The following CELF2 variants were observed in gnomAD, a reference collection of about 807,000 sequenced individuals.
CELF2 encodes the protein CUG triplet repeat RNA-binding protein 2.
In CELF2, 8 loss-of-function variants were observed where a neutral mutation model predicts 62.6. The observed-to-expected ratio is 0.13, with a 90% CI of 0.07 to 0.23. The LOEUF (loss-of-function observed/expected upper bound fraction) is 0.23, where lower values mean the gene tolerates loss of function less well. CELF2 is among the 10% of genes least tolerant of loss of function. The pLI, the probability that CELF2 is intolerant of heterozygous loss-of-function variation, is 1.00. For synonymous variants in CELF2, 258 were observed against 250.0 expected, an observed-to-expected ratio of 1.03 and a Z score of -0.30; for missense variants, 333 against 671.0, an observed-to-expected ratio of 0.50 and a Z score of 5.56.
At chr10:10,747,337 G>C in the CELF2 span, among the ~76,000 whole-genome samples, 2 of 152,176 alleles carry the variant, frequency 1.3e-5, no homozygotes, top group Non-Finnish European at 2.9e-5. Context: ...AATTGAACAG[G>C]TAGGATGGCC....
At chr10:10,898,975 A>G (rs2062752096) in intron 1 of CELF2, among the ~76,000 whole-genome samples, 1 of 152,246 alleles carries the variant, frequency 6.6e-6, no homozygotes, top group African/African-American at 2.4e-5. Context: ...GCTGAAATAA[A>G]ACATTTCTGC....
rs560279005 is a variant in CELF2, at chr10:11,145,368, C to G, written c.75-20118C>G. ...GGAGTGTCAGGATTCAGGAGCGTCT[C>G]TGAAAGGTGCTTTGTGCTGACCAAG... is the stretch of plus-strand genomic sequence containing the variant. On this transcript the variant is annotated intron_variant, in intron 1 of 12. Coordinates refer to ENST00000633077, the MANE Select transcript of CELF2 (RefSeq NM_001326342.2). This position sits in a 1 kb window ranked among gnomAD's most constrained non-coding sequence, Gnocchi z 4.3. 1.3e-5 allele frequency among the ~76,000 whole-genome samples: 2 copies of G among 152,308 alleles called. No homozygotes were observed. Among genetic ancestry groups the G allele is most frequent in the African/African-American group, 4.8e-5 (2 of 41,570 alleles).
In CELF2 at chr10:11,270,833, TG is replaced by T; in HGVS notation, c.777+12del. On this transcript the variant is annotated intron_variant, in intron 7 of 12. Coordinates refer to ENST00000633077, the MANE Select transcript of CELF2 (RefSeq NM_001326342.2). This position sits in a 1 kb window ranked among gnomAD's most constrained non-coding sequence, Gnocchi z 5.8. ...CCCCACAGTATCTGGCGGTAAGTGC[TG>T]GGCAATGCCGGCGTGGTCTTCACCC... 1 of 1,372,406 alleles carries T rather than the reference TG, an allele frequency of 7.3e-7. No homozygotes were observed. The highest frequency in any genetic ancestry group is 9.5e-7 in the Non-Finnish European group (1 of 1,049,614). 85.0% of individuals were successfully genotyped at this position (1,372,406 alleles called of 1,614,324 possible).
chr10:10,873,775 G>T (rs1278582847), intron 1 of CELF2, among the ~76,000 whole-genome samples: 1 of 152,148 alleles, frequency 6.6e-6, no homozygotes, highest in Non-Finnish European at 1.5e-5. Context: ...TCCCTATCCA[G>T]TTCTCCCTGT....
intron 1 of CELF2, among the ~76,000 whole-genome samples, chr10:10,849,396 G>C (rs951532915): frequency 6.6e-6 from 1 of 152,064 alleles, no homozygotes; most frequent in African/African-American, 2.4e-5. Flanking sequence ...GACAGAGCAA[G>C]ACTCCATCTC....
intron 2 of CELF2, among the ~76,000 whole-genome samples, chr10:11,166,728 G>A (rs774203674): frequency 1.3e-5 from 2 of 152,144 alleles, no homozygotes; most frequent in Non-Finnish European, 2.9e-5. Flanking sequence ...CACTTGGCTT[G>A]TGTATACACT....
chr10:10,914,938 G>A (rs937934962), intron 1 of CELF2, among the ~76,000 whole-genome samples: 28 of 151,958 alleles, frequency 1.8e-4, no homozygotes, highest in African/African-American at 6.3e-4. Flanking sequence ...AGACCAGCCT[G>A]ACCAACATGG....
the CELF2 span, among the ~76,000 whole-genome samples, chr10:10,721,019 A>T: frequency 1.3e-5 from 2 of 152,384 alleles, no homozygotes; most frequent in East Asian, 3.8e-4. Flanking sequence ...ATTAAGCCAC[A>T]TTAGACAGGT....
rs1236316013 is a variant in CELF2, at chr10:11,328,596, A to G, written c.1439-330A>G. ...CCTGGGGTTCTTTTGGAGAGATACT[A>G]AAGGACTTGAAACACAATGATTTGA... On this transcript the variant is annotated intron_variant, in intron 12 of 12. Transcript: ENST00000633077. This position sits in a 1 kb window ranked among gnomAD's most constrained non-coding sequence, Gnocchi z 6.4. Among the ~76,000 whole-genome samples the G allele has an allele frequency of 1.3e-5, 2 of 152,228 alleles. No homozygotes were observed.
chr10:10,871,264 A>G (rs1225427773), intron 1 of CELF2, among the ~76,000 whole-genome samples: 1 of 152,224 alleles, frequency 6.6e-6, no homozygotes, highest in Non-Finnish European at 1.5e-5. Flanking sequence ...TAGGAAAAGA[A>G]ACTTCATTCC....
upstream of CELF2, among the ~76,000 whole-genome samples, chr10:11,001,182 C>T (rs2054484221): frequency 1.3e-5 from 2 of 152,192 alleles, no homozygotes; most frequent in South Asian, 4.1e-4. Flanking sequence ...TTTCCATCTT[C>T]CAGAGCAATA....
At chr10:10,679,011 G>A in the CELF2 span, among the ~76,000 whole-genome samples, 1 of 152,110 alleles carries the variant, frequency 6.6e-6, no homozygotes, top group African/African-American at 2.4e-5. Context: ...ATGGCCAGGG[G>A]AATTGTGATT....
At chr10:11,020,891 T>C (rs2058208090) in intron 1 of CELF2, among the ~76,000 whole-genome samples, 1 of 152,214 alleles carries the variant, frequency 6.6e-6, no homozygotes. Context: ...GTTTTAAACA[T>C]TCGGTATCAA....
the CELF2 span, among the ~76,000 whole-genome samples, chr10:10,467,112 A>C: frequency 6.6e-6 from 1 of 152,176 alleles, no homozygotes. Context: ...CTTATAATAT[A>C]CTAGCATAAA....
In CELF2 at chr10:10,938,290, A is replaced by G. The variant is rs1191740624; in HGVS notation, c.89+18291A>G. Among the ~76,000 whole-genome samples, 1 of 152,244 alleles carries G rather than the reference A, an allele frequency of 6.6e-6. No homozygotes were observed. Among genetic ancestry groups the G allele is most frequent in the Non-Finnish European group, 1.5e-5 (1 of 68,048 alleles). On this transcript the variant is annotated intron_variant, in intron 2 of 13. Coordinates refer to the CELF2 transcript ENST00000636488. The surrounding 1 kb of genome is among the most constrained non-coding windows in gnomAD (Gnocchi z 4.2). ...ATTATTTTGCAGTATAGGAAATGTT[A>G]TTTAGATTTAACAAAGGGCTGAACA...
chr10:10,723,572 A>G, the CELF2 span, among the ~76,000 whole-genome samples: 2 of 152,228 alleles, frequency 1.3e-5, no homozygotes, highest in Non-Finnish European at 2.9e-5. Context: ...AATCTTGACC[A>G]AGACTTCTAA....
the CELF2 span, among the ~76,000 whole-genome samples, chr10:10,685,917 T>A: frequency 6.6e-6 from 1 of 152,182 alleles, no homozygotes; most frequent in Non-Finnish European, 1.5e-5. Context: ...CTAGTCCTCT[T>A]CCTTTACCTG....
chr10:10,736,334 G>GT, the CELF2 span, among the ~76,000 whole-genome samples: 1 of 147,382 alleles, frequency 6.8e-6, no homozygotes, highest in Admixed American at 6.8e-5. Context: ...GGGTTTGTTT[G>GT]TTTTTCTGCT....
intron 1 of CELF2, among the ~76,000 whole-genome samples, chr10:11,023,508 C>A (rs780089496): frequency 6.6e-6 from 1 of 152,154 alleles, no homozygotes; most frequent in Non-Finnish European, 1.5e-5. Context: ...TGTAATTGTT[C>A]CATCCAATAT....
Sources: gnomAD v4.1 joint callset for allele counts (sites outside exome capture counted in the v4.1 genomes callset) on GRCh38, gnomAD v4.1.1 for gene constraint, Gnocchi (gnomAD v3.1) non-coding constraint, MANE v1.5 for transcripts, NCBI Gene and HGNC (gene_info 2026-07-23, HGNC 2026-07-21) for gene names.